RPS6KA5: variants seen among roughly 807,000 people sequenced by gnomAD.
The protein encoded by RPS6KA5 is ribosomal protein S6 kinase alpha-5.
Under a neutral mutation model 85.5 loss-of-function variants are expected in RPS6KA5, and 27 were observed. That is an observed-to-expected ratio of 0.32 (90% CI 0.23 to 0.44). The LOEUF (loss-of-function observed/expected upper bound fraction) is 0.44, where lower values mean the gene tolerates loss of function less well. Among genes scored for constraint, RPS6KA5 ranks in the 20% least tolerant of loss-of-function variants. The pLI is 1.00. For synonymous variants in RPS6KA5, 334 were observed against 348.2 expected (o/e 0.96, Z 0.46); for missense variants, 811 against 980.9 (o/e 0.83, Z 2.31).
intron 5 of RPS6KA5, among the ~76,000 whole-genome samples, chr14:90,938,717 T>G (rs1476933560): frequency 5.9e-5 from 9 of 152,160 alleles, no homozygotes; most frequent in Non-Finnish European, 1.3e-4. Context: ...GTACCTTGGC[T>G]CCTTTTAGTC....
rs577981810 is a variant in RPS6KA5, at chr14:90,898,413, G to T, written c.1473+916C>A. Among the ~76,000 whole-genome samples the T allele has an allele frequency of 2.3e-4, 35 of 152,302 alleles. No homozygotes were observed. The South Asian group carries it at 7.2e-3, about 32-fold the overall frequency. On this transcript the variant is annotated intron_variant, in intron 12 of 16. Coordinates refer to ENST00000614987, the MANE Select transcript of RPS6KA5 (RefSeq NM_004755.4). ...ATCATTCCTGGCAATAGCACTCGAG[G>T]ATATTTCAATGTGGTAGAGAACTGG...
intron 1 of RPS6KA5, chr14:91,052,444 C>T (rs1295727912): frequency 4.0e-6 from 1 of 248,364 alleles, no homozygotes. Flanking sequence ...CCAGCCTGGG[C>T]AACAGAGTAG....
intron 1 of RPS6KA5, among the ~76,000 whole-genome samples, chr14:91,048,915 A>C (rs751254891): frequency 7.2e-5 from 11 of 152,230 alleles, no homozygotes; most frequent in Non-Finnish European, 1.2e-4. Flanking sequence ...TTTCACAGGG[A>C]AGAATTCAAT....
intron 8 of RPS6KA5, among the ~76,000 whole-genome samples, chr14:90,904,585 C>T (rs569347109): frequency 1.6e-4 from 24 of 152,030 alleles, no homozygotes; most frequent in Non-Finnish European, 2.9e-4. Flanking sequence ...TTGTGCTTGG[C>T]CATTGTATAT....
chr14:91,051,490 AT>A (rs2043077892), intron 1 of RPS6KA5, among the ~76,000 whole-genome samples: 1 of 150,542 alleles, frequency 6.6e-6, no homozygotes, highest in Non-Finnish European at 1.5e-5. Flanking sequence ...ACATCCTTTT[AT>A]TTTTTTATTT....
At chr14:91,023,259 G>A (rs2041860994) in intron 1 of RPS6KA5, among the ~76,000 whole-genome samples, 2 of 151,578 alleles carry the variant, frequency 1.3e-5, no homozygotes, top group Admixed American at 1.3e-4. Context: ...ACCTGTGTAG[G>A]GTATTCTCTG....
intron 3 of RPS6KA5, among the ~76,000 whole-genome samples, chr14:90,958,581 T>A (rs2038642929): frequency 6.6e-6 from 1 of 152,194 alleles, no homozygotes; most frequent in Non-Finnish European, 1.5e-5. Flanking sequence ...TTGAGCAAGA[T>A]GTTTAATCTC....
At chr14:90,975,061 G>C (rs1548266) in intron 3 of RPS6KA5, among the ~76,000 whole-genome samples, 3,501 of 152,032 alleles carry the variant, frequency 0.023, 119 homozygotes, top group African/African-American at 0.079. Context: ...GATAACAGAG[G>C]GGTATATAAT....
At chr14:90,943,407 G>A (rs2037694602) in intron 4 of RPS6KA5, among the ~76,000 whole-genome samples, 1 of 151,828 alleles carries the variant, frequency 6.6e-6, no homozygotes, top group Non-Finnish European at 1.5e-5. Flanking sequence ...TTGTGCACAG[G>A]GTCTACCTTG....
At position 90,865,821 on chromosome 14, in the gene RPS6KA5, G is replaced by A. The variant is rs900450337; in HGVS notation, c.*6253C>T. On this transcript the variant is annotated 3_prime_UTR_variant, in exon 17 of 17. Coordinates refer to ENST00000614987, the MANE Select transcript of RPS6KA5 (RefSeq NM_004755.4). ...TTCCTTTATGTACACAGTAGACAAA[G>A]CCTTTTAAAGAGATTTGTCCATACG... The A allele has an allele frequency of 3.3e-5, 5 of 152,104 alleles. No individual in the cohort carries two copies. The highest frequency in any genetic ancestry group is 7.4e-5 in the Non-Finnish European group (5 of 68,026). The allele number at this position is 152,104 out of a possible 1,614,324, so 9.4% of individuals were successfully genotyped here.
At chr14:91,044,883 A>G (rs1172373800) in intron 1 of RPS6KA5, among the ~76,000 whole-genome samples, 1 of 150,838 alleles carries the variant, frequency 6.6e-6, no homozygotes, top group African/African-American at 2.4e-5. Flanking sequence ...AAAAAAAAAG[A>G]AAAAAAAAGG....
chr14:90,984,475 C>T (rs2039973277), intron 2 of RPS6KA5, among the ~76,000 whole-genome samples: 1 of 152,226 alleles, frequency 6.6e-6, no homozygotes, highest in Non-Finnish European at 1.5e-5. Context: ...TGGAAGAACA[C>T]TGCAGACATC....
intron 1 of RPS6KA5, among the ~76,000 whole-genome samples, chr14:91,049,480 T>C (rs1170020061): frequency 6.6e-6 from 1 of 152,106 alleles, no homozygotes; most frequent in Non-Finnish European, 1.5e-5. Flanking sequence ...CTAGGCATGG[T>C]GGCGGGCGCC....
At position 90,854,618 on chromosome 14, in the gene RPS6KA5, A is replaced by G. The variant is rs1016731562; in HGVS notation, c.*17456T>C. The stretch of plus-strand genomic sequence containing the variant: ...ACACTGGAATTTAAAAATCTGGAAT[A>G]CTTTAACAGTAGACTTTACTCAAAT... On this transcript the variant is annotated 3_prime_UTR_variant, in exon 17 of 17. Coordinates refer to ENST00000614987, the MANE Select transcript of RPS6KA5 (RefSeq NM_004755.4). 4 of 152,186 alleles carry G rather than the reference A, an allele frequency of 2.6e-5. No homozygotes were observed. Among genetic ancestry groups the G allele is most frequent in the African/African-American group, 4.8e-5 (2 of 41,462 alleles). 9.4% of individuals were successfully genotyped at this position (152,186 alleles called of 1,614,324 possible). A position where few individuals can be genotyped will look rare whatever the true frequency, so the allele number is the denominator to read the frequency against.
rs151022729 is a variant in RPS6KA5, at chr14:91,033,462, T to C, written c.103+26870A>G. 4.1e-4 allele frequency among the ~76,000 whole-genome samples: 62 copies of C among 150,976 alleles called. 1 individual carries two copies. The East Asian group carries it at 8.3e-3, about 20-fold the overall frequency. On this transcript the variant is annotated intron_variant, in intron 1 of 16. Transcript: ENST00000614987. ...CTAAAAATACAAAAAATTAGCTGGGTGTGGTGGTGCATGCCTGTAATCCCA... is the reference window on the plus strand; with the variant it reads ...CTAAAAATACAAAAAATTAGCTGGGCGTGGTGGTGCATGCCTGTAATCCCA...
At chr14:90,982,477 AAGAT>A (rs1324082825) in intron 2 of RPS6KA5, among the ~76,000 whole-genome samples, 3 of 152,176 alleles carry the variant, frequency 2.0e-5, no homozygotes, top group African/African-American at 7.2e-5. Context: ...GAAGAAAAAA[AAGAT>A]AAAACAATAG....
intron 1 of RPS6KA5, among the ~76,000 whole-genome samples, chr14:91,020,008 G>A (rs2041677812): frequency 6.6e-6 from 1 of 152,208 alleles, no homozygotes; most frequent in Non-Finnish European, 1.5e-5. Context: ...TACAGCATAT[G>A]ACTGTAAGGA....
In RPS6KA5 at chr14:90,936,778, A is replaced by G. The variant is rs147190060; in HGVS notation, c.618+6300T>C. 2.9e-3 allele frequency among the ~76,000 whole-genome samples: 436 copies of G among 152,330 alleles called. 2 individuals carry two copies. The highest frequency in any genetic ancestry group is 0.014 in the Middle Eastern group (4 of 294). The stretch of plus-strand genomic sequence containing the variant: ...AATATCATGAGCAGAAACATCAAAC[A>G]TACATAAAAAGTAAATTCCTGAAGA... On this transcript the variant is annotated intron_variant, in intron 5 of 16. Transcript: ENST00000614987.
At chr14:90,883,021 C>T (rs1045369419) in intron 14 of RPS6KA5, among the ~76,000 whole-genome samples, 4 of 152,106 alleles carry the variant, frequency 2.6e-5, no homozygotes, top group African/African-American at 9.7e-5. Context: ...TGGTCTTGAA[C>T]TCCTGACCTC....
Sources: allele counts gnomAD v4.1 joint callset (sites outside exome capture counted in the v4.1 genomes callset), GRCh38; gene constraint gnomAD v4.1.1; transcripts MANE v1.5; gene names NCBI Gene and HGNC (gene_info 2026-07-23, HGNC 2026-07-21).